The following MAN1C1 variants were observed in gnomAD, a reference collection of about 807,000 sequenced individuals.
MAN1C1 encodes mannosyl-oligosaccharide 1,2-alpha-mannosidase IC.
A neutral mutation model predicts 71.5 loss-of-function variants in MAN1C1; 49 were observed. That is an observed-to-expected ratio of 0.69 (90% CI 0.54 to 0.87). MAN1C1 has a LOEUF of 0.87. Among genes scored for constraint, MAN1C1 ranks in the 40% least tolerant of loss-of-function variants. The probability of loss-of-function intolerance (pLI) is 0.00; values close to 1 mark genes in which losing one functional copy is unlikely to be tolerated. For missense variants in MAN1C1, 743 were observed against 835.0 expected (o/e 0.89, Z 1.36); for synonymous variants, 352 against 343.7 (o/e 1.02, Z -0.27).
At chr1:25,737,620 C>A (rs2047000388) in intron 2 of MAN1C1, among the ~76,000 whole-genome samples, 1 of 152,212 alleles carries the variant, frequency 6.6e-6, no homozygotes, top group African/African-American at 2.4e-5. Flanking sequence ...TAGACCCAGC[C>A]ACTGCACCCT....
chr1:25,692,288 G>A (rs2046319012), intron 2 of MAN1C1, among the ~76,000 whole-genome samples: 1 of 152,216 alleles, frequency 6.6e-6, no homozygotes, highest in Non-Finnish European at 1.5e-5. Flanking sequence ...TTAGCAGGGG[G>A]AAACTGTCTC....
At chr1:25,741,393 A>AGC in intron 2 of MAN1C1, among the ~76,000 whole-genome samples, 1 of 152,332 alleles carries the variant, frequency 6.6e-6, no homozygotes, top group East Asian at 1.9e-4. Context: ...GGGAGGAACC[A>AGC]GCACAGGAGA....
intron 7 of MAN1C1, among the ~76,000 whole-genome samples, chr1:25,771,039 T>C (rs1007685870): frequency 1.3e-5 from 2 of 152,204 alleles, no homozygotes; most frequent in African/African-American, 4.8e-5. Context: ...CCACAGCCTG[T>C]GAGGCCCTGC....
chr1:25,653,890 G>A (rs898783656), intron 1 of MAN1C1, among the ~76,000 whole-genome samples: 9 of 152,186 alleles, frequency 5.9e-5, no homozygotes, highest in African/African-American at 2.2e-4. Flanking sequence ...TCAAAGGTCA[G>A]TTTTTCGAGA....
chr1:25,743,030 A>G (rs899524100), intron 2 of MAN1C1, among the ~76,000 whole-genome samples: 1 of 152,210 alleles, frequency 6.6e-6, no homozygotes, highest in Non-Finnish European at 1.5e-5. Flanking sequence ...TGTATTTATC[A>G]GATGTATCTA....
At position 25,772,653 on chromosome 1, in the gene MAN1C1, C is replaced by T. The variant is rs927475893; in HGVS notation, c.1257+881C>T. 5.3e-5 allele frequency among the ~76,000 whole-genome samples: 8 copies of T among 152,226 alleles called. No homozygotes were observed. The South Asian group carries it at 6.2e-4, about 12-fold the overall frequency. ...AAACTGGCTTCCCCTCTGCCCTGCC[C>T]TCTGAATGCTGTGTGGGGAACAGAA... On this transcript the variant is annotated intron_variant, in intron 8 of 11. Transcript: ENST00000374332.
chr1:25,772,291 G>A (rs545581904), intron 8 of MAN1C1: 1 of 157,414 alleles, frequency 6.4e-6, no homozygotes, highest in South Asian at 2.0e-4. Flanking sequence ...GGAAACCAAG[G>A]CCTAGAGAGG....
At chr1:25,668,175 G>A (rs995767378) in intron 1 of MAN1C1, among the ~76,000 whole-genome samples, 8 of 152,150 alleles carry the variant, frequency 5.3e-5, no homozygotes, top group Non-Finnish European at 8.8e-5. Flanking sequence ...AATGGGAAAC[G>A]AGGTGCATTT....
chr1:25,707,298 G>A (rs958553462), intron 2 of MAN1C1, among the ~76,000 whole-genome samples: 7 of 152,184 alleles, frequency 4.6e-5, no homozygotes, highest in South Asian at 2.1e-4. Context: ...TGGACTTACC[G>A]TCAAGCTGCC....
At chr1:25,751,966 T>C (rs1426425429) in intron 4 of MAN1C1, among the ~76,000 whole-genome samples, 5 of 152,052 alleles carry the variant, frequency 3.3e-5, no homozygotes, top group Non-Finnish European at 7.4e-5. Context: ...GTTGGGTGGG[T>C]CTTTCCATTC....
Position 25,756,899 on chromosome 1 carries a change from G to C in MAN1C1, c.930-1693G>C, listed in dbSNP as rs548918975. 4.6e-5 allele frequency among the ~76,000 whole-genome samples: 7 copies of C among 152,194 alleles called. No individual in the cohort carries two copies. In the South Asian group the frequency reaches 1.4e-3, roughly 32 times the overall value. On this transcript the variant is annotated intron_variant, in intron 5 of 11. Transcript: ENST00000374332. ...CGGCTCAATAAATGGAAGTTGTTTT[G>C]TTTATTCAGATCAGGAGCCAAGTTT... is the stretch of plus-strand genomic sequence containing the variant.
intron 7 of MAN1C1, among the ~76,000 whole-genome samples, chr1:25,770,422 C>T (rs892965357): frequency 1.3e-5 from 2 of 152,232 alleles, no homozygotes; most frequent in African/African-American, 2.4e-5. Flanking sequence ...TTTGCCCTGT[C>T]TTTTGGTCCC....
intron 6 of MAN1C1, chr1:25,758,981 C>A: frequency 2.4e-6 from 1 of 413,924 alleles, no homozygotes; most frequent in Non-Finnish European, 4.5e-6. Context: ...CACTGGTCTG[C>A]GTGAGCTCAG....
At chr1:25,648,109 T>C (rs1028742040) in intron 1 of MAN1C1, among the ~76,000 whole-genome samples, 12 of 152,212 alleles carry the variant, frequency 7.9e-5, no homozygotes, top group Non-Finnish European at 1.3e-4. Flanking sequence ...TTGGGGCATG[T>C]GGGCCAAGTC....
intron 2 of MAN1C1, among the ~76,000 whole-genome samples, chr1:25,741,236 T>C (rs901740398): frequency 3.3e-5 from 5 of 152,132 alleles, no homozygotes; most frequent in African/African-American, 1.2e-4. Flanking sequence ...TGCCTCAGCC[T>C]CCCAGAGTGC....
intron 2 of MAN1C1, among the ~76,000 whole-genome samples, chr1:25,740,530 G>A (rs920409996): frequency 3.3e-5 from 5 of 152,158 alleles, no homozygotes; most frequent in African/African-American, 1.2e-4. Flanking sequence ...TCCGCCTCCC[G>A]AGTTCATGCC....
At chr1:25,697,087 T>C (rs1173421946) in intron 2 of MAN1C1, among the ~76,000 whole-genome samples, 1 of 152,250 alleles carries the variant, frequency 6.6e-6, no homozygotes, top group African/African-American at 2.4e-5. Context: ...TTTCCTGTTT[T>C]TCTTTCCGTT....
At chr1:25,666,039 C>T (rs2045919572) in intron 1 of MAN1C1, among the ~76,000 whole-genome samples, 1 of 151,738 alleles carries the variant, frequency 6.6e-6, no homozygotes, top group African/African-American at 2.4e-5. Flanking sequence ...ATATTTAAAT[C>T]TCATCTCTCA....
intron 1 of MAN1C1, among the ~76,000 whole-genome samples, chr1:25,655,734 C>T (rs911534473): frequency 1.3e-5 from 2 of 152,034 alleles, no homozygotes; most frequent in African/African-American, 4.8e-5. Flanking sequence ...TTCATTTTTT[C>T]CTCCGGAAAA....
Sources: gnomAD v4.1 joint callset for allele counts (sites outside exome capture counted in the v4.1 genomes callset) on GRCh38, gnomAD v4.1.1 for gene constraint, MANE v1.5 for transcripts, NCBI Gene and HGNC (gene_info 2026-07-23, HGNC 2026-07-21) for gene names.